IFNG-AS1: variants seen among roughly 807,000 people sequenced by gnomAD.
IFNG-AS1 encodes the protein IFNG antisense RNA 1 (non-protein coding).
At chr12:68,003,312 T>G (rs560769147) in intron 2 of IFNG-AS1, among the ~76,000 whole-genome samples, 8 of 152,276 alleles carry the variant, frequency 5.3e-5, no homozygotes, top group African/African-American at 1.7e-4. Context: ...CTGTTCTTAT[T>G]GTTGTGATAC....
At chr12:68,011,848 CT>C (rs372767595) in intron 3 of IFNG-AS1, among the ~76,000 whole-genome samples, 3 of 152,302 alleles carry the variant, frequency 2.0e-5, no homozygotes, top group African/African-American at 7.2e-5. Flanking sequence ...GCAAGAGGCA[CT>C]TCTAATAGGG....
intron 2 of IFNG-AS1, among the ~76,000 whole-genome samples, chr12:68,005,038 C>G (rs908872033): frequency 1.3e-5 from 2 of 152,162 alleles, no homozygotes; most frequent in Admixed American, 6.5e-5. Flanking sequence ...TCTCCTAAAG[C>G]AATCATGGTG....
intron 1 of IFNG-AS1, among the ~76,000 whole-genome samples, chr12:67,992,796 C>T (rs1434236809): frequency 1.3e-5 from 2 of 152,140 alleles, no homozygotes; most frequent in African/African-American, 2.4e-5. Flanking sequence ...CAAGTGTTGA[C>T]TTTGCACAGT....
intron 1 of IFNG-AS1, among the ~76,000 whole-genome samples, chr12:67,991,491 C>T (rs994854628): frequency 3.3e-5 from 5 of 152,106 alleles, no homozygotes; most frequent in Admixed American, 2.6e-4. Flanking sequence ...CCAGACAGAC[C>T]CCCGATGCAC....
intron 3 of IFNG-AS1, among the ~76,000 whole-genome samples, chr12:68,017,844 G>T (rs1231686555): frequency 6.6e-6 from 1 of 152,050 alleles, no homozygotes; most frequent in Non-Finnish European, 1.5e-5. Context: ...CATATCACTG[G>T]GAAAGTTAGT....
intron 2 of IFNG-AS1, among the ~76,000 whole-genome samples, chr12:67,997,649 G>A (rs1388013442): frequency 6.7e-6 from 1 of 150,220 alleles, no homozygotes; most frequent in Non-Finnish European, 1.5e-5. Context: ...AGATTGACGA[G>A]TGGCCACATA....
intron 3 of IFNG-AS1, among the ~76,000 whole-genome samples, chr12:68,012,463 G>C (rs1416060568): frequency 6.6e-6 from 1 of 152,180 alleles, no homozygotes; most frequent in African/African-American, 2.4e-5. Flanking sequence ...TCAACCAGGG[G>C]AATGCTGCCT....
chr12:67,990,917 G>A (rs1879495673), intron 1 of IFNG-AS1, among the ~76,000 whole-genome samples: 2 of 152,064 alleles, frequency 1.3e-5, no homozygotes. Flanking sequence ...TTTAAACTCT[G>A]TTCTACACAA....
chr12:68,013,039 G>GAA (rs1880068871), intron 3 of IFNG-AS1, among the ~76,000 whole-genome samples: 1 of 152,180 alleles, frequency 6.6e-6, no homozygotes, highest in South Asian at 2.1e-4. Flanking sequence ...GATAGAGCTG[G>GAA]AAAGACCAAG....
rs144254001 is a variant in IFNG-AS1 at position 68,003,900 on chromosome 12, G to A, written n.185-2190G>A. 1.9e-3 allele frequency among the ~76,000 whole-genome samples: 253 copies of A among 132,288 alleles called. 2 individuals are homozygous for A. The highest frequency in any genetic ancestry group is 6.8e-3 in the African/African-American group (241 of 35,338). The allele number at this position is 132,288 out of a possible 152,430, so 86.8% of individuals were successfully genotyped here. Reference sequence around the variant, plus strand: ...CCAGCCTGGGTGAGAGTGAGACTCCGTCTCCAAAAAAAAAAAAAAAAGAAT... The same window carrying A: ...CCAGCCTGGGTGAGAGTGAGACTCCATCTCCAAAAAAAAAAAAAAAAGAAT... On this transcript the variant is annotated intron_variant and non_coding_transcript_variant, in intron 2 of 5. Coordinates refer to ENST00000536914, the Ensembl canonical transcript of IFNG-AS1.
intron 3 of IFNG-AS1, among the ~76,000 whole-genome samples, chr12:68,016,721 T>G (rs1180931811): frequency 2.0e-5 from 3 of 152,182 alleles, no homozygotes; most frequent in Admixed American, 2.0e-4. Context: ...TGCTTTTAAG[T>G]GGAATCACTT....
At chr12:68,019,485 G>A (rs1324920217) in intron 3 of IFNG-AS1, among the ~76,000 whole-genome samples, 9 of 152,092 alleles carry the variant, frequency 5.9e-5, no homozygotes, top group Non-Finnish European at 1.0e-4. Context: ...TGACTCCCAC[G>A]TACCTCTGGA....
intron 3 of IFNG-AS1, among the ~76,000 whole-genome samples, chr12:68,016,049 G>C (rs1194375794): frequency 1.3e-5 from 2 of 152,106 alleles, no homozygotes; most frequent in Non-Finnish European, 2.9e-5. Flanking sequence ...AAGTCTAGGA[G>C]AGGGGAAAGA....
intron 1 of IFNG-AS1, among the ~76,000 whole-genome samples, chr12:67,993,833 TTC>T (rs1202935190): frequency 6.6e-6 from 1 of 152,202 alleles, no homozygotes. Flanking sequence ...TGCAAACTCT[TTC>T]TGAGTTGAAC....
chr12:67,994,813 A>C (rs1879597351), intron 1 of IFNG-AS1, among the ~76,000 whole-genome samples: 1 of 152,232 alleles, frequency 6.6e-6, no homozygotes, highest in South Asian at 2.1e-4. Flanking sequence ...GATTTAAAGT[A>C]TGGACCCTGG....
At chr12:68,000,388 C>T (rs889156123) in intron 2 of IFNG-AS1, among the ~76,000 whole-genome samples, 4 of 152,184 alleles carry the variant, frequency 2.6e-5, no homozygotes, top group Non-Finnish European at 5.9e-5. Flanking sequence ...TGGCCACATG[C>T]AGTGACTCAT....
chr12:68,009,584 AC>A (rs1437759242), intron 3 of IFNG-AS1, among the ~76,000 whole-genome samples: 2 of 152,050 alleles, frequency 1.3e-5, no homozygotes, highest in Non-Finnish European at 2.9e-5. Flanking sequence ...CTCGTGATCC[AC>A]CCACCTCAGT....
At chr12:67,999,103 G>GATAGATA (rs1196675933) in intron 2 of IFNG-AS1, among the ~76,000 whole-genome samples, 1 of 152,068 alleles carries the variant, frequency 6.6e-6, no homozygotes, top group Non-Finnish European at 1.5e-5. Context: ...ATAGATAGAT[G>GATAGATA]ATAGATAATA....
intron 2 of IFNG-AS1, among the ~76,000 whole-genome samples, chr12:68,000,240 A>G (rs573638091): frequency 7.2e-5 from 11 of 152,322 alleles, no homozygotes; most frequent in African/African-American, 2.4e-4. Flanking sequence ...AATTATTTCA[A>G]AATAAAAAGG....
Sources: allele counts gnomAD v4.1 joint callset (sites outside exome capture counted in the v4.1 genomes callset), GRCh38; gene constraint gnomAD v4.1.1; transcripts MANE v1.5; gene names NCBI Gene and HGNC (gene_info 2026-07-23, HGNC 2026-07-21).